The following ATXN1 variants were observed in gnomAD, a reference collection of about 807,000 sequenced individuals.
ATXN1 encodes ataxin-1.
Under a neutral mutation model 56.4 loss-of-function variants are expected in ATXN1, and 8 were observed. The observed-to-expected ratio is 0.14, with a 90% CI of 0.08 to 0.26. ATXN1 has a LOEUF of 0.26. Ranked by LOEUF, ATXN1 falls within the 10% of genes least tolerant of loss-of-function variation. ATXN1 has a pLI of 1.00. For missense variants in ATXN1, 987 were observed against 1,106.5 expected, an observed-to-expected ratio of 0.89 and a Z score of 1.53; for synonymous variants, 514 against 494.6, an observed-to-expected ratio of 1.04 and a Z score of -0.52.
At chr6:16,346,032 G>A (rs1290791253) in intron 6 of ATXN1, among the ~76,000 whole-genome samples, 1 of 152,284 alleles carries the variant, frequency 6.6e-6, no homozygotes, top group Middle Eastern at 3.4e-3. Flanking sequence ...CATCCGGCAG[G>A]AAGTGTGAGG....
chr6:16,548,026 T>C (rs1465238357), intron 4 of ATXN1, among the ~76,000 whole-genome samples: 2 of 152,164 alleles, frequency 1.3e-5, no homozygotes, highest in East Asian at 1.9e-4. Context: ...TTCTGTTGTG[T>C]GAACATCGTA....
chr6:16,726,987 A>G (rs1362663705), intron 2 of ATXN1, among the ~76,000 whole-genome samples: 1 of 152,196 alleles, frequency 6.6e-6, no homozygotes, highest in African/African-American at 2.4e-5. Flanking sequence ...TATGACAAAT[A>G]TTACAAAAGC....
chr6:16,698,650 TAAAA>T (rs11311429), intron 2 of ATXN1, among the ~76,000 whole-genome samples: 12,599 of 135,356 alleles, frequency 0.093, 573 homozygotes, highest in East Asian at 0.19. Flanking sequence ...CCTCAAAAAT[TAAAA>T]AAAAAAAAAA....
chr6:16,623,985 T>C (rs1763363704), intron 3 of ATXN1, among the ~76,000 whole-genome samples: 1 of 152,200 alleles, frequency 6.6e-6, no homozygotes, highest in Non-Finnish European at 1.5e-5. Flanking sequence ...GAAAAGCAGT[T>C]GCCAAGGGCT....
intron 2 of ATXN1, among the ~76,000 whole-genome samples, chr6:16,706,461 ATGCC>A (rs1047651069): frequency 6.6e-6 from 1 of 152,214 alleles, no homozygotes; most frequent in Non-Finnish European, 1.5e-5. Flanking sequence ...ACAGTGGCTT[ATGCC>A]TGTAATCCCA....
At chr6:16,477,841 C>T (rs2237195) in intron 6 of ATXN1, among the ~76,000 whole-genome samples, 61,937 of 152,006 alleles carry the variant, frequency 0.41, 13,334 homozygotes, top group Non-Finnish European at 0.48. Flanking sequence ...ACCATGTGGT[C>T]CATGATCCTT....
Position 16,336,586 on chromosome 6 carries a change from C to T in ATXN1, c.-160-8116G>A, listed in dbSNP as rs571952038. Among the ~76,000 whole-genome samples, 11 of 152,274 alleles carry T rather than the reference C, an allele frequency of 7.2e-5. No individual in the cohort carries two copies. The South Asian group carries it at 1.0e-3, about 14-fold the overall frequency. On this transcript the variant is annotated intron_variant, in intron 6 of 7. Coordinates refer to ENST00000436367, the MANE Select transcript of ATXN1 (RefSeq NM_001128164.2). ...TGCAGAAGGAGCCTCTGGCACAGGT[C>T]GGACGTGAGGAACTGAGAGCACTAA...
At chr6:16,652,299 T>A (rs1217568592) in intron 3 of ATXN1, among the ~76,000 whole-genome samples, 4 of 152,198 alleles carry the variant, frequency 2.6e-5, no homozygotes, top group African/African-American at 9.7e-5. Context: ...GCTTTTCCTA[T>A]TTACATCTGT....
intron 6 of ATXN1, among the ~76,000 whole-genome samples, chr6:16,471,938 T>G (rs1438811436): frequency 6.6e-6 from 1 of 152,132 alleles, no homozygotes; most frequent in African/African-American, 2.4e-5. Context: ...GTGTGTAGCT[T>G]TGAGAAAAGT....
intron 4 of ATXN1, among the ~76,000 whole-genome samples, chr6:16,528,300 CAAAAAAAAAA>C (rs375416081): frequency 1.3e-4 from 10 of 74,468 alleles, no homozygotes; most frequent in Non-Finnish European, 2.2e-4. Context: ...GACTCCCTCT[CAAAAAAAAAA>C]AAAAAAAGAA....
intron 2 of ATXN1, chr6:16,739,039 C>A (rs951126690): frequency 6.6e-6 from 1 of 151,996 alleles, no homozygotes; most frequent in African/African-American, 2.4e-5. Context: ...GAACTCCCAA[C>A]GAGGGGCATA....
intron 6 of ATXN1, among the ~76,000 whole-genome samples, chr6:16,433,265 T>G (rs1759322812): frequency 6.6e-6 from 1 of 152,224 alleles, no homozygotes; most frequent in Admixed American, 6.5e-5. Context: ...TGCTACTAGT[T>G]ATTAGTTCAC....
intron 4 of ATXN1, among the ~76,000 whole-genome samples, chr6:16,581,229 G>A (rs200457292): frequency 1.4e-5 from 2 of 142,230 alleles, no homozygotes; most frequent in Non-Finnish European, 1.6e-5. Flanking sequence ...GTGTGTGCGC[G>A]CGTGTGTGTG....
intron 4 of ATXN1, among the ~76,000 whole-genome samples, chr6:16,547,592 C>A (rs902140083): frequency 2.6e-5 from 4 of 152,132 alleles, no homozygotes; most frequent in Admixed American, 6.5e-5. Flanking sequence ...GGCTAGAAAT[C>A]CGAGATCAAG....
chr6:16,705,770 G>A (rs2113445833), intron 2 of ATXN1, among the ~76,000 whole-genome samples: 1 of 152,208 alleles, frequency 6.6e-6, no homozygotes, highest in South Asian at 2.1e-4. Context: ...CTGTGGTTCT[G>A]GAATTTTCAA....
intron 6 of ATXN1, among the ~76,000 whole-genome samples, chr6:16,475,601 C>T (rs558224513): frequency 6.8e-4 from 103 of 152,338 alleles, no homozygotes; most frequent in African/African-American, 2.3e-3. Context: ...AAAGGACACA[C>T]AGCTACTGGG....
At chr6:16,404,704 G>GCA (rs979596715) in intron 6 of ATXN1, among the ~76,000 whole-genome samples, 7 of 131,964 alleles carry the variant, frequency 5.3e-5, no homozygotes, top group African/African-American at 2.6e-4. Context: ...TCGCGCGCGC[G>GCA]CACACACGCA....
At chr6:16,604,863 C>G (rs1762976075) in intron 3 of ATXN1, among the ~76,000 whole-genome samples, 1 of 152,130 alleles carries the variant, frequency 6.6e-6, no homozygotes, top group South Asian at 2.1e-4. Context: ...TGGAAATACA[C>G]ACTCAAGCCA....
At position 16,736,163 on chromosome 6, in the gene ATXN1, C is replaced by T. The variant is rs542785413; in HGVS notation, c.-615+17070G>A. Among the ~76,000 whole-genome samples the T allele has an allele frequency of 2.3e-3, 346 of 152,280 alleles. 1 individual carries two copies. Among genetic ancestry groups the T allele is most frequent in the African/African-American group, 8.1e-3 (338 of 41,548 alleles). On this transcript the variant is annotated intron_variant, in intron 2 of 7. Coordinates refer to ENST00000436367, the MANE Select transcript of ATXN1 (RefSeq NM_001128164.2). The stretch of plus-strand genomic sequence containing the variant: ...ATGTATTCCTCTCTCCTTAATTTCA[C>T]TTAATGTGAGCATGTTCAATCTACA...
Sources: gnomAD v4.1 joint callset for allele counts (sites outside exome capture counted in the v4.1 genomes callset) on GRCh38, gnomAD v4.1.1 for gene constraint, MANE v1.5 for transcripts, NCBI Gene and HGNC (gene_info 2026-07-23, HGNC 2026-07-21) for gene names.